Variants in LDLRAD4 observed in about 807,000 individuals in gnomAD.
The protein encoded by LDLRAD4 is low-density lipoprotein receptor class A domain-containing protein 4.
In LDLRAD4, 5 loss-of-function variants were observed where a neutral mutation model predicts 17.0. The observed-to-expected ratio is 0.29, with a 90% CI of 0.15 to 0.62. LDLRAD4 has a LOEUF of 0.62. Among genes scored for constraint, LDLRAD4 ranks in the 20% least tolerant of loss-of-function variants. The pLI is 0.84. For synonymous variants in LDLRAD4, 168 were observed against 171.8 expected (o/e 0.98, Z 0.17); for missense variants, 340 against 424.7 (o/e 0.80, Z 1.75).
chr18:13,285,675 CT>C (rs2045581673), intron 1 of LDLRAD4, among the ~76,000 whole-genome samples: 1 of 152,002 alleles, frequency 6.6e-6, no homozygotes, highest in South Asian at 2.1e-4. Context: ...TCTTTTTGTC[CT>C]GGGATCTGGT....
At chr18:13,485,491 T>C (rs546921437) in intron 3 of LDLRAD4, among the ~76,000 whole-genome samples, 3 of 152,302 alleles carry the variant, frequency 2.0e-5, no homozygotes, top group Admixed American at 6.5e-5. Flanking sequence ...AGGGCATCAG[T>C]TCCATGGTAC....
intron 2 of LDLRAD4, among the ~76,000 whole-genome samples, chr18:13,393,266 G>A (rs142144048): frequency 6.6e-6 from 1 of 152,178 alleles, no homozygotes; most frequent in African/African-American, 2.4e-5. Flanking sequence ...GTGAATTAAT[G>A]GCCAAAGCTT....
chr18:13,576,055 G>T (rs2094764963), intron 3 of LDLRAD4, among the ~76,000 whole-genome samples: 1 of 152,190 alleles, frequency 6.6e-6, no homozygotes, highest in Non-Finnish European at 1.5e-5. Flanking sequence ...TGTTCCTTTT[G>T]CTGTGCAGAA....
chr18:13,473,555 G>T (rs144525494), intron 3 of LDLRAD4, among the ~76,000 whole-genome samples: 35 of 148,770 alleles, frequency 2.4e-4, no homozygotes, highest in African/African-American at 7.4e-4. Context: ...TGGGAGGCTT[G>T]CTTGAGCCCA....
chr18:13,586,239 C>T (rs2094931197), intron 3 of LDLRAD4, among the ~76,000 whole-genome samples: 1 of 151,664 alleles, frequency 6.6e-6, no homozygotes, highest in South Asian at 2.1e-4. Flanking sequence ...AAAACCCCGT[C>T]TCTACTAAAA....
intron 1 of LDLRAD4, among the ~76,000 whole-genome samples, chr18:13,348,836 T>A (rs1337179922): frequency 6.6e-6 from 1 of 152,012 alleles, no homozygotes; most frequent in Non-Finnish European, 1.5e-5. Context: ...GTGCTAGCAA[T>A]AAACGAGGCT....
intron 1 of LDLRAD4, among the ~76,000 whole-genome samples, chr18:13,270,366 A>G (rs951566519): frequency 2.6e-5 from 4 of 151,994 alleles, no homozygotes; most frequent in African/African-American, 9.7e-5. Context: ...TAAAAAAAAA[A>G]AAAGAAAAGG....
At chr18:13,390,241 T>C (rs2145281483) in intron 2 of LDLRAD4, among the ~76,000 whole-genome samples, 1 of 152,342 alleles carries the variant, frequency 6.6e-6, no homozygotes. Context: ...GAACAAGGTG[T>C]GCCAGCGGCA....
chr18:13,631,871 G>T lies in LDLRAD4; in HGVS notation c.336+10600G>T, dbSNP rs920104840. 1.1e-4 allele frequency among the ~76,000 whole-genome samples: 17 copies of T among 152,260 alleles called. No individual in the cohort carries two copies. The East Asian group carries it at 2.1e-3, about 19-fold the overall frequency. On this transcript the variant is annotated intron_variant, in intron 4 of 5. Transcript: ENST00000359446. ...GACCCCGGGAGGCGGAGGTTGCAGT[G>T]ACCTGAGATCGTGCCACTGTACTCC...
At chr18:13,483,883 C>T (rs1312467403) in intron 3 of LDLRAD4, among the ~76,000 whole-genome samples, 1 of 152,156 alleles carries the variant, frequency 6.6e-6, no homozygotes, top group Non-Finnish European at 1.5e-5. Flanking sequence ...TCTCTCTCCT[C>T]TCAGTAGCAG....
chr18:13,560,196 G>A (rs533487685), intron 3 of LDLRAD4, among the ~76,000 whole-genome samples: 4 of 152,308 alleles, frequency 2.6e-5, no homozygotes, highest in Admixed American at 1.3e-4. Context: ...GCCCTAGAGG[G>A]TGTCCCCCTG....
intron 1 of LDLRAD4, among the ~76,000 whole-genome samples, chr18:13,328,023 G>A (rs1189533732): frequency 6.6e-6 from 1 of 152,144 alleles, no homozygotes; most frequent in Non-Finnish European, 1.5e-5. Context: ...CCCCCACCTC[G>A]CTGACCACCA....
intron 4 of LDLRAD4, among the ~76,000 whole-genome samples, chr18:13,633,171 C>A (rs980566146): frequency 1.3e-5 from 2 of 152,254 alleles, no homozygotes; most frequent in Non-Finnish European, 2.9e-5. Flanking sequence ...TATCCACAGG[C>A]AGGTTGATCC....
intron 3 of LDLRAD4, among the ~76,000 whole-genome samples, chr18:13,525,548 G>A (rs1195008299): frequency 1.3e-5 from 2 of 152,236 alleles, no homozygotes; most frequent in African/African-American, 4.8e-5. Flanking sequence ...AAGTTGATGG[G>A]CGTGCTTCAG....
chr18:13,574,676 T>C (rs935009763), intron 3 of LDLRAD4, among the ~76,000 whole-genome samples: 28 of 152,226 alleles, frequency 1.8e-4, no homozygotes, highest in African/African-American at 6.3e-4. Flanking sequence ...CCTCTCTCAG[T>C]TGGCCCTCCG....
chr18:13,497,515 CT>C (rs979874800), intron 3 of LDLRAD4, among the ~76,000 whole-genome samples: 2 of 149,630 alleles, frequency 1.3e-5, no homozygotes, highest in Admixed American at 1.3e-4. Context: ...TTTTTTCCTT[CT>C]TTTTTCACAT....
At chr18:13,503,456 C>T (rs779108169) in intron 3 of LDLRAD4, among the ~76,000 whole-genome samples, 13 of 125,686 alleles carry the variant, frequency 1.0e-4, no homozygotes, top group Non-Finnish European at 1.6e-4. Context: ...AGACTCTAAA[C>T]GAGAATGGAG....
intron 4 of LDLRAD4, among the ~76,000 whole-genome samples, chr18:13,623,474 G>C (rs1324744998): frequency 6.6e-6 from 1 of 152,152 alleles, no homozygotes; most frequent in East Asian, 1.9e-4. Flanking sequence ...CTTTTTTTCT[G>C]AGTAACCTGG....
In LDLRAD4 at chr18:13,435,628, T is replaced by C. The variant is rs375200247; in HGVS notation, c.41-2616T>C. 3.3e-5 allele frequency among the ~76,000 whole-genome samples: 5 copies of C among 152,264 alleles called. 1 individual carries two copies. The stretch of plus-strand genomic sequence containing the variant: ...CACTTGGCTAATTTTTAAACTTTTT[T>C]GTAGAGACAGGGTCTCGCTTTGTTG... On this transcript the variant is annotated intron_variant, in intron 2 of 5. Coordinates refer to ENST00000359446, the Ensembl canonical transcript of LDLRAD4.
Sources: gnomAD v4.1 joint callset for allele counts (sites outside exome capture counted in the v4.1 genomes callset) on GRCh38, gnomAD v4.1.1 for gene constraint, MANE v1.5 for transcripts, NCBI Gene and HGNC (gene_info 2026-07-23, HGNC 2026-07-21) for gene names.